The following CCDC38 variants were observed in gnomAD, a reference collection of about 807,000 sequenced individuals.
CCDC38 encodes the protein coiled-coil domain containing 38.
In CCDC38, 69 loss-of-function variants were observed where a neutral mutation model predicts 72.8. The observed-to-expected ratio is 0.95, with a 90% CI of 0.78 to 1.16. The LOEUF (loss-of-function observed/expected upper bound fraction) is 1.16, where lower values mean the gene tolerates loss of function less well. Among genes scored for constraint, CCDC38 ranks in the 50% most tolerant of loss-of-function variants. The pLI is 0.00. For synonymous variants in CCDC38, 201 were observed against 213.2 expected (o/e 0.94, Z 0.50); for missense variants, 626 against 638.9 (o/e 0.98, Z 0.22).
chr12:95,902,071 T>G (rs183791289), intron 5 of CCDC38, among the ~76,000 whole-genome samples: 56 of 152,262 alleles, frequency 3.7e-4, no homozygotes, highest in African/African-American at 1.2e-3. Flanking sequence ...AGAGGGTTTT[T>G]GGGGTGGGGT....
intron 15 of CCDC38, among the ~76,000 whole-genome samples, chr12:95,868,063 T>C (rs568893207): frequency 1.3e-5 from 2 of 152,350 alleles, no homozygotes; most frequent in African/African-American, 4.8e-5. Flanking sequence ...ATCGGAATTT[T>C]TAACTGTCAA....
At chr12:95,925,735 G>A (rs964417483) in intron 2 of CCDC38, among the ~76,000 whole-genome samples, 1 of 152,022 alleles carries the variant, frequency 6.6e-6, no homozygotes, top group Non-Finnish European at 1.5e-5. Flanking sequence ...AATTTATTGA[G>A]AGTTTTTAGC....
chr12:95,905,630 T>C (rs1324862097), intron 5 of CCDC38, among the ~76,000 whole-genome samples: 1 of 152,224 alleles, frequency 6.6e-6, no homozygotes, highest in Non-Finnish European at 1.5e-5. Flanking sequence ...TACATTGTTA[T>C]TTACTCATTA....
chr12:95,937,065 TAAAC>T (rs2080402056), intron 1 of CCDC38, among the ~76,000 whole-genome samples: 2 of 152,086 alleles, frequency 1.3e-5, no homozygotes, highest in South Asian at 4.1e-4. Flanking sequence ...ATTGCCAAAA[TAAAC>T]AAACAAAAAC....
Position 95,879,262 on chromosome 12 carries a change from A to C in CCDC38, c.1142+382T>G, listed in dbSNP as rs964133682. ...TTTCTGAGAGTCACAGCCAATGAAAATACATTTGTTAGCATTATCATCCAC... is the reference window on the plus strand; with the variant it reads ...TTTCTGAGAGTCACAGCCAATGAAACTACATTTGTTAGCATTATCATCCAC... On this transcript the variant is annotated intron_variant, in intron 12 of 15. Coordinates refer to ENST00000344280, the MANE Select transcript of CCDC38 (RefSeq NM_182496.3). This position sits in a 1 kb window ranked among gnomAD's most constrained non-coding sequence, Gnocchi z 5.5. Among the ~76,000 whole-genome samples the C allele has an allele frequency of 4.6e-5, 7 of 152,238 alleles. No individual in the cohort carries two copies. The highest frequency in any genetic ancestry group is 1.7e-4 in the African/African-American group (7 of 41,464).
At chr12:95,943,006 C>T (rs1350080352), upstream of CCDC38, 1 of 166,472 alleles carries the variant, frequency 6.0e-6, no homozygotes, top group Non-Finnish European at 1.3e-5. Flanking sequence ...CTCCCGAACA[C>T]TCCGGGTGCC....
At chr12:95,940,780 C>G (rs2080441386) in intron 1 of CCDC38, among the ~76,000 whole-genome samples, 1 of 152,108 alleles carries the variant, frequency 6.6e-6, no homozygotes, top group Non-Finnish European at 1.5e-5. Context: ...GAGGAAATTA[C>G]TTTCACCTTG....
At chr12:95,929,694 G>A (rs1478260466) in intron 2 of CCDC38, among the ~76,000 whole-genome samples, 1 of 152,186 alleles carries the variant, frequency 6.6e-6, no homozygotes, top group Non-Finnish European at 1.5e-5. Context: ...AGTTTACAGA[G>A]AAATAGAAGA....
intron 5 of CCDC38, among the ~76,000 whole-genome samples, chr12:95,900,801 A>G (rs2079942483): frequency 6.6e-6 from 1 of 152,252 alleles, no homozygotes; most frequent in South Asian, 2.1e-4. Context: ...AAATAAATAA[A>G]TAAATATCTT....
intron 14 of CCDC38, 70 bp from the exon 15 acceptor site, chr12:95,869,643 T>C: frequency 8.6e-7 from 1 of 1,156,278 alleles, no homozygotes; most frequent in Non-Finnish European, 1.3e-6. Context: ...CATTACTATT[T>C]GTTAATGAGC....
chr12:95,919,929 T>A (rs1367774547), intron 2 of CCDC38, among the ~76,000 whole-genome samples: 2 of 152,214 alleles, frequency 1.3e-5, no homozygotes, highest in Admixed American at 1.3e-4. Flanking sequence ...AATCTGGCAG[T>A]TCCTTAAAAA....
upstream of CCDC38, chr12:95,943,232 C>T: frequency 1.5e-6 from 1 of 670,448 alleles, no homozygotes; most frequent in Non-Finnish European, 2.3e-6. Context: ...TTACCGCCCC[C>T]GTTGCTGTGG....
At chr12:95,925,333 CCT>C (rs780507707) in intron 2 of CCDC38, among the ~76,000 whole-genome samples, 5 of 151,968 alleles carry the variant, frequency 3.3e-5, no homozygotes, top group African/African-American at 7.3e-5. Flanking sequence ...CTGATTTGGT[CCT>C]CTGTTTGTCT....
chr12:95,895,011 G>C lies in CCDC38; in HGVS notation c.750C>G (p.Ile250Met). ...TACTTGCTAATATTTTTGGAAGGAT[G>C]ATATTTGCTTTACTTTTTGATGCCT... ...RAQASKSKANIILPKILAKLS... is the reference protein window; with the variant it reads ...RAQASKSKANMILPKILAKLS... Residue 250 changes from isoleucine (I) to methionine (M), a missense_variant, in exon 8 of 16, where the codon ATC (isoleucine) becomes ATG (methionine). By Grantham distance (10) the Ile-to-Met change is conservative. Transcript: ENST00000344280. The C allele has an allele frequency of 6.2e-7, 1 of 1,607,580 alleles. No individual in the cohort carries two copies. Among genetic ancestry groups the C allele is most frequent in the South Asian group, 1.1e-5 (1 of 89,312 alleles).
intron 8 of CCDC38, among the ~76,000 whole-genome samples, chr12:95,893,026 T>C (rs1056874347): frequency 6.6e-6 from 1 of 152,224 alleles, no homozygotes; most frequent in Non-Finnish European, 1.5e-5. Context: ...AATTCAAAAG[T>C]ATTTGTTTAT....
At chr12:95,895,274 A>T (rs1194071925) in intron 7 of CCDC38, 128 bp from the exon 8 acceptor site, 1 of 577,922 alleles carries the variant, frequency 1.7e-6, no homozygotes, top group East Asian at 3.2e-5. Flanking sequence ...AAGGATAAAT[A>T]TGGCCATAAA....
intron 2 of CCDC38, among the ~76,000 whole-genome samples, chr12:95,930,230 T>C (rs1470582516): frequency 6.6e-6 from 1 of 152,132 alleles, no homozygotes; most frequent in Non-Finnish European, 1.5e-5. Context: ...CCGTATTTCT[T>C]TCCTAGTCAC....
At chr12:95,925,524 C>T (rs149278684) in intron 2 of CCDC38, among the ~76,000 whole-genome samples, 8,410 of 152,182 alleles carry the variant, frequency 0.055, 359 homozygotes, top group South Asian at 0.19. Context: ...TAATTGAATA[C>T]CCTTTATTTC....
chr12:95,880,895 G>C (rs1028522596), intron 11 of CCDC38, among the ~76,000 whole-genome samples: 1 of 152,132 alleles, frequency 6.6e-6, no homozygotes, highest in Non-Finnish European at 1.5e-5. Context: ...TGCAAAATCA[G>C]AAAGTTCTAG....
Sources: allele counts gnomAD v4.1 joint callset (sites outside exome capture counted in the v4.1 genomes callset), GRCh38; gene constraint gnomAD v4.1.1; non-coding constraint Gnocchi (gnomAD v3.1); transcripts MANE v1.5; gene names NCBI Gene and HGNC (gene_info 2026-07-23, HGNC 2026-07-21).